DCC: variants seen among roughly 807,000 people sequenced by gnomAD.
DCC encodes the protein DCC netrin 1 receptor, also known as netrin receptor DCC.
A neutral mutation model predicts 172.5 loss-of-function variants in DCC; 58 were observed. The ratio of observed to expected loss-of-function variants is 0.34; its 90% CI spans 0.27 to 0.42. The LOEUF (loss-of-function observed/expected upper bound fraction) is 0.42. Among genes scored for constraint, DCC ranks in the 10% least tolerant of loss-of-function variants. The probability of loss-of-function intolerance (pLI) is 1.00; values close to 1 mark genes in which losing one functional copy is unlikely to be tolerated. For synonymous variants in DCC, 709 were observed against 644.5 expected (o/e 1.10, Z -1.52); for missense variants, 1,740 against 1,791.0 (o/e 0.97, Z 0.51).
intron 7 of DCC, among the ~76,000 whole-genome samples, chr18:53,137,127 C>T (rs1036551911): frequency 6.6e-6 from 1 of 152,196 alleles, no homozygotes; most frequent in African/African-American, 2.4e-5. Context: ...CAAATTACTA[C>T]AAACTTAGCA....
intron 2 of DCC, among the ~76,000 whole-genome samples, chr18:52,774,704 C>A (rs746136992): frequency 4.6e-5 from 7 of 152,062 alleles, no homozygotes; most frequent in Admixed American, 1.3e-4. Context: ...TGGTTACTGC[C>A]TGTTTTCTCC....
At chr18:52,969,166 A>C (rs1404231986) in intron 5 of DCC, among the ~76,000 whole-genome samples, 2 of 151,956 alleles carry the variant, frequency 1.3e-5, no homozygotes, top group African/African-American at 4.8e-5. Flanking sequence ...CTTGGTTTTT[A>C]CTGCTATTCA....
intron 1 of DCC, among the ~76,000 whole-genome samples, chr18:52,582,877 G>A (rs1270177792): frequency 6.6e-6 from 1 of 152,100 alleles, no homozygotes; most frequent in African/African-American, 2.4e-5. Context: ...TTTTTCTGGT[G>A]TCTTTGACAG....
chr18:53,048,973 G>A (rs2042297243), intron 5 of DCC, among the ~76,000 whole-genome samples: 1 of 151,938 alleles, frequency 6.6e-6, no homozygotes, highest in African/African-American at 2.4e-5. Flanking sequence ...TTGACTGTAT[G>A]TATGTCTTCT....
rs145403787 is a variant in DCC at position 53,163,023 on chromosome 18, T to G, written c.1418+5511T>G. ...CTCTCCATAGTCCTCCAACTCAGAA[T>G]TCATCAATTTCACCTTTATCTCACC... On this transcript the variant is annotated intron_variant, in intron 8 of 28. Transcript: ENST00000442544. Among the ~76,000 whole-genome samples, 11 of 152,346 alleles carry G rather than the reference T, an allele frequency of 7.2e-5. No homozygotes were observed. In the East Asian group the frequency reaches 2.1e-3, roughly 29 times the overall value.
chr18:52,813,505 G>A (rs1044468342), intron 2 of DCC, among the ~76,000 whole-genome samples: 5 of 152,310 alleles, frequency 3.3e-5, no homozygotes, highest in Non-Finnish European at 7.3e-5. Context: ...ACATGGTATG[G>A]ATTAAGGATA....
chr18:53,090,733 A>AAAAAAAAAAAAAAAAAAAAAAAAAC (rs2042995071), intron 7 of DCC, among the ~76,000 whole-genome samples: 1 of 129,238 alleles, frequency 7.7e-6, no homozygotes, highest in Admixed American at 7.9e-5. Context: ...AAAAAAAAAA[A>AAAAAAAAAAAAAAAAAAAAAAAAAC]AGAATGTATC....
At chr18:52,836,920 C>T (rs1390572193) in intron 2 of DCC, among the ~76,000 whole-genome samples, 1 of 152,242 alleles carries the variant, frequency 6.6e-6, no homozygotes, top group African/African-American at 2.4e-5. Context: ...TCTACCTGAA[C>T]ATCCAGGTGT....
chr18:52,717,669 C>T (rs578170283), intron 1 of DCC, among the ~76,000 whole-genome samples: 8 of 152,146 alleles, frequency 5.3e-5, no homozygotes, highest in East Asian at 3.9e-4. Flanking sequence ...ATGTCTCCAG[C>T]GGACTTTTAA....
At chr18:53,475,102 T>C (rs949486752) in intron 25 of DCC, among the ~76,000 whole-genome samples, 1 of 152,186 alleles carries the variant, frequency 6.6e-6, no homozygotes, top group Non-Finnish European at 1.5e-5. Flanking sequence ...ATTTAGAGTA[T>C]CTGACAGAAG....
At chr18:52,822,592 CAA>C (rs2038426327) in intron 2 of DCC, among the ~76,000 whole-genome samples, 1 of 152,146 alleles carries the variant, frequency 6.6e-6, no homozygotes, top group South Asian at 2.1e-4. Flanking sequence ...AAAAAGGAAA[CAA>C]AATGTTGAGA....
intron 1 of DCC, among the ~76,000 whole-genome samples, chr18:52,577,726 G>C (rs2033449079): frequency 6.6e-6 from 1 of 152,262 alleles, no homozygotes; most frequent in South Asian, 2.1e-4. Flanking sequence ...ATTGCCCTTG[G>C]CCTTAGGCTT....
intron 2 of DCC, among the ~76,000 whole-genome samples, chr18:52,890,515 T>C (rs1302007930): frequency 2.0e-5 from 3 of 152,132 alleles, no homozygotes. Context: ...ATTGATGTGT[T>C]ATGATATTCC....
chr18:53,079,010 G>A (rs908356342), intron 7 of DCC, among the ~76,000 whole-genome samples: 1 of 152,020 alleles, frequency 6.6e-6, no homozygotes, highest in Non-Finnish European at 1.5e-5. Flanking sequence ...GGCAGACATC[G>A]CCTGAGTTGT....
intron 1 of DCC, among the ~76,000 whole-genome samples, chr18:52,696,971 G>T (rs565379620): frequency 2.6e-5 from 4 of 152,242 alleles, no homozygotes; most frequent in South Asian, 4.1e-4. Flanking sequence ...GTCAGATTTG[G>T]GAGGTACCCC....
chr18:52,577,866 T>C (rs1228520266), intron 1 of DCC, among the ~76,000 whole-genome samples: 1 of 152,170 alleles, frequency 6.6e-6, no homozygotes, highest in African/African-American at 2.4e-5. Flanking sequence ...AGGCTTAATA[T>C]TAAAAACAAG....
intron 7 of DCC, among the ~76,000 whole-genome samples, chr18:53,091,848 TATCA>T (rs374804389): frequency 0.13 from 8,891 of 67,156 alleles, 310 homozygotes; most frequent in African/African-American, 0.25. Context: ...TCTATCTATC[TATCA>T]ATCTATCTAT....
chr18:53,029,836 G>A (rs540903264), intron 5 of DCC, among the ~76,000 whole-genome samples: 10 of 152,162 alleles, frequency 6.6e-5, no homozygotes, highest in South Asian at 6.2e-4. Context: ...ATCATCATTC[G>A]TCATCATCTA....
chr18:52,593,307 T>G (rs759273025), intron 1 of DCC, among the ~76,000 whole-genome samples: 11 of 152,202 alleles, frequency 7.2e-5, no homozygotes, highest in Non-Finnish European at 1.3e-4. Flanking sequence ...AATTGATTAT[T>G]CACGTGGTGT....
Sources: allele counts gnomAD v4.1 joint callset (sites outside exome capture counted in the v4.1 genomes callset), GRCh38; gene constraint gnomAD v4.1.1; transcripts MANE v1.5; gene names NCBI Gene and HGNC (gene_info 2026-07-23, HGNC 2026-07-21).